PABPC4L: variants seen among roughly 807,000 people sequenced by gnomAD.
The protein encoded by PABPC4L is poly(A) binding protein cytoplasmic 4 like, also known as polyadenylate-binding protein 4-like.
For synonymous variants in PABPC4L, 169 were observed against 164.1 expected (o/e 1.03, Z -0.23); for missense variants, 452 against 451.4 (o/e 1.00, Z -0.01).
chr4:134,092,319 T>C, the PABPC4L span, among the ~76,000 whole-genome samples: 23 of 152,092 alleles, frequency 1.5e-4, no homozygotes, highest in East Asian at 4.5e-3. Context: ...AGAGAGTAAG[T>C]GCCTGAATGT....
chr4:134,060,436 C>A, the PABPC4L span, among the ~76,000 whole-genome samples: 19 of 151,612 alleles, frequency 1.3e-4, no homozygotes, highest in East Asian at 5.9e-4. Flanking sequence ...GATCAGAACC[C>A]ATCCTTCTGC....
At chr4:134,126,757 C>T in the PABPC4L span, among the ~76,000 whole-genome samples, 2 of 152,168 alleles carry the variant, frequency 1.3e-5, no homozygotes, top group Non-Finnish European at 2.9e-5. Context: ...CAGAAACATA[C>T]GAGGAAAGCC....
the PABPC4L span, among the ~76,000 whole-genome samples, chr4:134,100,609 T>A: frequency 6.6e-5 from 10 of 151,704 alleles, no homozygotes; most frequent in East Asian, 1.9e-3. Context: ...AAGAAACATT[T>A]TTTACTACCT....
the PABPC4L span, among the ~76,000 whole-genome samples, chr4:134,153,847 G>A: frequency 7.2e-6 from 1 of 138,878 alleles, no homozygotes; most frequent in East Asian, 2.1e-4. Context: ...TGTAGAGACA[G>A]GGTCTCACTT....
At chr4:134,116,081 G>T in the PABPC4L span, among the ~76,000 whole-genome samples, 2 of 151,684 alleles carry the variant, frequency 1.3e-5, no homozygotes, top group African/African-American at 4.8e-5. Context: ...TATAGAGAGG[G>T]TCCCACTTTC....
the PABPC4L span, among the ~76,000 whole-genome samples, chr4:134,017,879 C>G: frequency 6.6e-6 from 1 of 152,050 alleles, no homozygotes; most frequent in Non-Finnish European, 1.5e-5. Flanking sequence ...AAACATCACC[C>G]ATTATCTCTC....
the PABPC4L span, among the ~76,000 whole-genome samples, chr4:134,159,717 T>C: frequency 6.6e-6 from 1 of 152,048 alleles, no homozygotes; most frequent in Non-Finnish European, 1.5e-5. Context: ...CCACAGAGAC[T>C]GCAGTCCCTG....
At chr4:133,949,133 G>A in the PABPC4L span, among the ~76,000 whole-genome samples, 1 of 152,058 alleles carries the variant, frequency 6.6e-6, no homozygotes, top group African/African-American at 2.4e-5. Context: ...TTATATATAT[G>A]TATTTTATCC....
At chr4:134,091,600 C>A in the PABPC4L span, among the ~76,000 whole-genome samples, 1 of 151,628 alleles carries the variant, frequency 6.6e-6, no homozygotes, top group Non-Finnish European at 1.5e-5. Flanking sequence ...ATATTTTCCT[C>A]TAAGTAAGAT....
the PABPC4L span, among the ~76,000 whole-genome samples, chr4:134,042,949 A>T: frequency 6.6e-6 from 1 of 152,094 alleles, no homozygotes; most frequent in African/African-American, 2.4e-5. Flanking sequence ...TGACTCATTG[A>T]CCTCTTTCAA....
the PABPC4L span, among the ~76,000 whole-genome samples, chr4:134,146,023 T>C: frequency 6.6e-6 from 1 of 151,994 alleles, no homozygotes; most frequent in Non-Finnish European, 1.5e-5. Context: ...TATCCTTTTA[T>C]AAGATATTAA....
At chr4:134,192,926 G>C (rs745784698), downstream of PABPC4L, among the ~76,000 whole-genome samples, 3 of 152,042 alleles carry the variant, frequency 2.0e-5, no homozygotes, top group Non-Finnish European at 2.9e-5. Flanking sequence ...TTCTTGACTT[G>C]AGTGGTAGTT....
At chr4:134,071,605 T>C in the PABPC4L span, among the ~76,000 whole-genome samples, 1 of 152,080 alleles carries the variant, frequency 6.6e-6, no homozygotes, top group African/African-American at 2.4e-5. Flanking sequence ...TTAAATGAAA[T>C]AGTGGGGAGT....
chr4:134,006,994 G>A, the PABPC4L span, among the ~76,000 whole-genome samples: 7 of 151,790 alleles, frequency 4.6e-5, no homozygotes, highest in South Asian at 2.1e-4. Context: ...AGTTATAAAC[G>A]GATAAAGTTG....
the PABPC4L span, among the ~76,000 whole-genome samples, chr4:134,088,799 T>G: frequency 2.0e-5 from 3 of 152,122 alleles, no homozygotes; most frequent in Non-Finnish European, 2.9e-5. Context: ...TCAGATATTT[T>G]GTTATAGGAG....
chr4:134,067,792 A>C, the PABPC4L span, among the ~76,000 whole-genome samples: 1 of 152,178 alleles, frequency 6.6e-6, no homozygotes, highest in South Asian at 2.1e-4. Context: ...TCCAAAAGTC[A>C]TTCAAGAGCA....
chr4:134,004,975 T>A, the PABPC4L span, among the ~76,000 whole-genome samples: 2 of 151,670 alleles, frequency 1.3e-5, no homozygotes, highest in Non-Finnish European at 3.0e-5. Flanking sequence ...GGTTGGTAAG[T>A]GGAGAGATGT....
At chr4:134,082,561 A>C in the PABPC4L span, among the ~76,000 whole-genome samples, 1 of 152,098 alleles carries the variant, frequency 6.6e-6, no homozygotes, top group East Asian at 1.9e-4. Context: ...TAAAATTTTT[A>C]TAATTGAAAA....
chr4:134,193,883 C>T (rs1045755880), downstream of PABPC4L, among the ~76,000 whole-genome samples: 5 of 151,568 alleles, frequency 3.3e-5, no homozygotes, highest in South Asian at 6.2e-4. Flanking sequence ...AAAACTGTGG[C>T]GTAGATCTTG....
Sources: gnomAD v4.1 joint callset for allele counts (sites outside exome capture counted in the v4.1 genomes callset) on GRCh38, gnomAD v4.1.1 for gene constraint, MANE v1.5 for transcripts, NCBI Gene and HGNC (gene_info 2026-07-23, HGNC 2026-07-21) for gene names.